Variants in EPHA2 observed in about 807,000 individuals in gnomAD.
EPHA2 encodes the protein ephrin type-A receptor 2.
In EPHA2, 54 loss-of-function variants were observed where a neutral mutation model predicts 104.9. The ratio of observed to expected loss-of-function variants is 0.51; its 90% CI spans 0.41 to 0.65. The LOEUF (loss-of-function observed/expected upper bound fraction) is 0.65, where lower values mean the gene tolerates loss of function less well. EPHA2 is among the 30% of genes least tolerant of loss of function. The probability of loss-of-function intolerance (pLI) is 0.00; values close to 1 mark genes in which losing one functional copy is unlikely to be tolerated. For synonymous variants in EPHA2, 560 were observed against 559.1 expected (o/e 1.00, Z -0.02); for missense variants, 1,117 against 1,369.5 (o/e 0.82, Z 2.91).
In EPHA2 at chr1:16,148,333, G is replaced by A; in HGVS notation, c.823+45C>T. ...ATTCCAAAGCTAAAGACCAGAACCT[G>A]GGAATGCAGAACCCCCTTCCCTGCA... is the stretch of plus-strand genomic sequence containing the variant. On this transcript the variant is annotated intron_variant, in intron 3 of 16. Coordinates refer to ENST00000358432, the MANE Select transcript of EPHA2 (RefSeq NM_004431.5). The surrounding 1 kb of genome is among the most constrained non-coding windows in gnomAD (Gnocchi z 4.9). 1 of 1,588,346 alleles carries A rather than the reference G, an allele frequency of 6.3e-7. No individual in the cohort carries two copies. The highest frequency in any genetic ancestry group is 8.5e-7 in the Non-Finnish European group (1 of 1,169,788).
chr1:16,128,368 G>A lies in EPHA2; in HGVS notation c.2825+1066C>T, dbSNP rs1171176230. Among the ~76,000 whole-genome samples the A allele has an allele frequency of 2.0e-5, 3 of 152,256 alleles. No homozygotes were observed. The highest frequency in any genetic ancestry group is 3.9e-4 in the East Asian group (2 of 5,178). ...CTGTTCCTGCCTGCTTCCCATCACC[G>A]ACTGTCCCCTGAGGGAGGCTATGGC... is the stretch of plus-strand genomic sequence containing the variant. On this transcript the variant is annotated intron_variant, in intron 16 of 16. Transcript: ENST00000358432. This position sits in a 1 kb window ranked among gnomAD's most constrained non-coding sequence, Gnocchi z 4.7.
chr1:16,131,629 T>A lies in EPHA2; in HGVS notation c.2475+92A>T. ...TGGAGCAAGCCTAAGAAGGTTCATC[T>A]AAACTGTCCTCTGCCCAGCCCCTGC... On this transcript the variant is annotated intron_variant, in intron 14 of 16. Transcript: ENST00000358432. The surrounding 1 kb of genome is among the most constrained non-coding windows in gnomAD (Gnocchi z 5.2). 1 of 1,561,040 alleles carries A rather than the reference T, an allele frequency of 6.4e-7. No homozygotes were observed. The highest frequency in any genetic ancestry group is 8.8e-7 in the Non-Finnish European group (1 of 1,139,024).
intron 3 of EPHA2, among the ~76,000 whole-genome samples, chr1:16,141,387 T>C (rs1016490966): frequency 6.6e-6 from 1 of 152,186 alleles, no homozygotes; most frequent in Non-Finnish European, 1.5e-5. Flanking sequence ...CCATAACATA[T>C]CTGCATGATA....
chr1:16,135,673 C>T lies in EPHA2; in HGVS notation c.1410G>A (p.Glu470=). The T allele has an allele frequency of 6.2e-7, 1 of 1,613,958 alleles. No individual in the cohort carries two copies. The highest frequency in any genetic ancestry group is 8.5e-7 in the Non-Finnish European group (1 of 1,179,998). ...GAGTTACCTTCTTGCGGTAAGTGACCTCGTACTTCCACACTCGGCTCTGCT... is the reference window on the plus strand; with the variant it reads ...GAGTTACCTTCTTGCGGTAAGTGACTTCGTACTTCCACACTCGGCTCTGCT... ...PPQQSRVWKY[E]VTYRKKGDSN... is the part of the protein sequence containing the mutation. The change falls in exon 6 of 17, where the codon GAG becomes GAA. Residue 470 remains glutamate (E), a synonymous_variant. Coordinates refer to ENST00000358432, the MANE Select transcript of EPHA2 (RefSeq NM_004431.5). The surrounding 1 kb of genome is among the most constrained non-coding windows in gnomAD (Gnocchi z 4.3).
In EPHA2 at chr1:16,132,383, G is replaced by A; in HGVS notation, c.2110C>T (p.Leu704Phe). ...YMENGALDKFLREKDGEFSVL... is the reference protein window; with the variant it reads ...YMENGALDKFFREKDGEFSVL... ...CCTACAACCCACATCCTTACCCGAAGGAACTTGTCCAGGGCCCCATTCTCC... is the reference window on the plus strand; with the variant it reads ...CCTACAACCCACATCCTTACCCGAAAGAACTTGTCCAGGGCCCCATTCTCC... Residue 704 changes from leucine to phenylalanine, a missense_variant, in exon 12 of 17, where the codon CTT (leucine) becomes TTT (phenylalanine). Physicochemically the swap from Leu to Phe is conservative, Grantham distance 22. This residue lies in a region of EPHA2 where 340 missense variants were observed against 480.5 expected (regional missense o/e 0.71). Transcript: ENST00000358432. 6.2e-7 allele frequency: 1 copy of A among 1,614,136 alleles called. No individual in the cohort carries two copies. Among genetic ancestry groups the A allele is most frequent in the Non-Finnish European group, 8.5e-7 (1 of 1,180,018 alleles).
At position 16,130,432 on chromosome 1, in the gene EPHA2, G is replaced by C. The variant is rs376510280; in HGVS notation, c.2476-13C>G. On this transcript the variant is annotated splice_polypyrimidine_tract_variant and intron_variant, in intron 14 of 16. Coordinates refer to ENST00000358432, the MANE Select transcript of EPHA2 (RefSeq NM_004431.5). The surrounding 1 kb of genome is among the most constrained non-coding windows in gnomAD (Gnocchi z 4.5). ...TGGCTTTCATCACCTGGCGGGGCAC[G>C]AAGGTCAGGGGCGCTGTTGCAGAAA... is the stretch of plus-strand genomic sequence containing the variant. The C allele has an allele frequency of 6.5e-7, 1 of 1,542,016 alleles. No homozygotes were observed. Among genetic ancestry groups the C allele is most frequent in the South Asian group, 1.3e-5 (1 of 79,118 alleles).
Position 16,134,628 on chromosome 1 carries a change from G to T in EPHA2, c.1583-61C>A. On this transcript the variant is annotated intron_variant, in intron 7 of 16. Coordinates refer to ENST00000358432, the MANE Select transcript of EPHA2 (RefSeq NM_004431.5). This position sits in a 1 kb window ranked among gnomAD's most constrained non-coding sequence, Gnocchi z 4.5. ...CCCCACAAATTACAGCAACACCCGC[G>T]CTGCACCCAAGACACCTGGGCCCCT... 1 of 1,551,422 alleles carries T rather than the reference G, an allele frequency of 6.4e-7. No homozygotes were observed. The highest frequency in any genetic ancestry group is 8.8e-7 in the Non-Finnish European group (1 of 1,134,436).
chr1:16,124,618 T>G lies in EPHA2; in HGVS notation c.*597A>C, dbSNP rs1316607552. On this transcript the variant is annotated 3_prime_UTR_variant, in exon 17 of 17. Coordinates refer to ENST00000358432, the MANE Select transcript of EPHA2 (RefSeq NM_004431.5). ...GGCCCCCTGCCACACACACACATTC[T>G]CTCCACAAAGTACAAAATATATATT... The G allele has an allele frequency of 6.5e-6, 1 of 153,494 alleles. No individual in the cohort carries two copies. Among genetic ancestry groups the G allele is most frequent in the Non-Finnish European group, 1.5e-5 (1 of 68,850 alleles). 9.5% of individuals were successfully genotyped at this position (153,494 alleles called of 1,614,324 possible).
rs762676954 is a variant in EPHA2, at chr1:16,135,597, C to G, written c.1428+58G>C. On this transcript the variant is annotated intron_variant, in intron 6 of 16. Coordinates refer to ENST00000358432, the MANE Select transcript of EPHA2 (RefSeq NM_004431.5). The surrounding 1 kb of genome is among the most constrained non-coding windows in gnomAD (Gnocchi z 4.3). Reference sequence around the variant, plus strand: ...GGTGGTTTGGTGATCATCTATGTGACCAGCCTGTCCCCTGCTGTCGGCCCA... The same window carrying G: ...GGTGGTTTGGTGATCATCTATGTGAGCAGCCTGTCCCCTGCTGTCGGCCCA... The G allele has an allele frequency of 1.1e-5, 16 of 1,510,496 alleles. No homozygotes were observed. The highest frequency in any genetic ancestry group is 1.5e-5 in the Non-Finnish European group (16 of 1,086,180). 93.6% of individuals were successfully genotyped at this position (1,510,496 alleles called of 1,614,324 possible). A position where few individuals can be genotyped will look rare whatever the true frequency, so the allele number is the denominator to read the frequency against.
intron 3 of EPHA2, among the ~76,000 whole-genome samples, chr1:16,142,200 C>T (rs1368808532): frequency 1.3e-5 from 2 of 152,226 alleles, no homozygotes; most frequent in Non-Finnish European, 2.9e-5. Context: ...GGCCCCCCGG[C>T]CCCCATTAGG....
chr1:16,138,509 A>G, intron 3 of EPHA2, 79 bp from the exon 4 acceptor site: 1 of 1,592,484 alleles, frequency 6.3e-7, no homozygotes, highest in Non-Finnish European at 8.6e-7. Flanking sequence ...TCATTCCCTC[A>G]CCAGGGACCC....
At chr1:16,133,110 G>A in intron 11 of EPHA2, 70 bp downstream of exon 11, 1 of 1,595,596 alleles carries the variant, frequency 6.3e-7, no homozygotes. Context: ...GGGGAGGTGG[G>A]CACAGTCACA....
chr1:16,125,271 C>T lies in EPHA2; in HGVS notation c.2875G>A (p.Ala959Thr), dbSNP rs139787163. The T allele has an allele frequency of 3.4e-4, 548 of 1,613,322 alleles. No individual in the cohort carries two copies. Among genetic ancestry groups the T allele is most frequent in the Middle Eastern group, 2.1e-3 (13 of 6,062 alleles). ...TCCTTGAGTCCCAGCAGGCTGTAGG[C>T]GATGCGCTTCTGGTGGCCGGGCAGC... ...VRLPGHQKRI[A>T]YSLLGLKDQV... Residue 959 changes from alanine to threonine, a missense_variant, in exon 17 of 17, where the codon GCC becomes ACC. Physicochemically the swap from Ala to Thr is moderately conservative, Grantham distance 58 (BLOSUM62 0). This residue lies in a region of EPHA2 where 340 missense variants were observed against 480.5 expected (regional missense o/e 0.71). Transcript: ENST00000358432. This position sits in a 1 kb window ranked among gnomAD's most constrained non-coding sequence, Gnocchi z 4.9.
In EPHA2 at chr1:16,125,071, T is replaced by A. The variant is rs1570389991; in HGVS notation, c.*144A>T. On this transcript the variant is annotated 3_prime_UTR_variant, in exon 17 of 17. Transcript: ENST00000358432. This position sits in a 1 kb window ranked among gnomAD's most constrained non-coding sequence, Gnocchi z 4.9. ...CTCCTCAGTTCAGGCCAGGGTGTCATCCGAGACCCCTCAGCGGAAGTTGCA... is the reference window on the plus strand; with the variant it reads ...CTCCTCAGTTCAGGCCAGGGTGTCAACCGAGACCCCTCAGCGGAAGTTGCA... 3.9e-6 allele frequency: 3 copies of A among 776,556 alleles called. No homozygotes were observed. Among genetic ancestry groups the A allele is most frequent in the South Asian group, 3.1e-5 (2 of 63,680 alleles). The allele number at this position is 776,556 out of a possible 1,614,324, so 48.1% of individuals were successfully genotyped here.
chr1:16,152,677 GCC>G (rs923333534), intron 1 of EPHA2, among the ~76,000 whole-genome samples: 6 of 152,168 alleles, frequency 3.9e-5, no homozygotes, highest in African/African-American at 1.4e-4. Context: ...CAGTCCTGCA[GCC>G]CCCCCTTAGA....
rs538382189 is a variant in EPHA2, at chr1:16,148,867, C to T, written c.334G>A (p.Ala112Thr). 122 of 1,614,050 alleles carry T rather than the reference C, an allele frequency of 7.6e-5. 1 individual carries two copies. The highest frequency in any genetic ancestry group is 1.6e-4 in the Middle Eastern group (1 of 6,084). ...VRDCNSFPGG[A>T]SSCKETFNLY... The stretch of plus-strand genomic sequence containing the variant: ...TTGAAAGTCTCCTTGCAGGAGCTGG[C>T]GCCACCAGGGAAGCTGTTGCAGTCA... Residue 112 changes from alanine (A) to threonine (T), a missense_variant, in exon 3 of 17, where the codon GCC (alanine) becomes ACC (threonine). Physicochemically the swap from Ala to Thr is moderately conservative, Grantham distance 58. Coordinates refer to ENST00000358432, the MANE Select transcript of EPHA2 (RefSeq NM_004431.5). The surrounding 1 kb of genome is among the most constrained non-coding windows in gnomAD (Gnocchi z 4.9).
In EPHA2 at chr1:16,135,016, C is replaced by A. The variant is rs749060647; in HGVS notation, c.1582+20G>T. On this transcript the variant is annotated intron_variant, in intron 7 of 16. Coordinates refer to ENST00000358432, the MANE Select transcript of EPHA2 (RefSeq NM_004431.5). The surrounding 1 kb of genome is among the most constrained non-coding windows in gnomAD (Gnocchi z 4.3). The stretch of plus-strand genomic sequence containing the variant: ...GTTCTGGGCCCTGGCCTGGTCCATG[C>A]CCAGGGTCCCCCAACTCACACAGCG... 6.2e-7 allele frequency: 1 copy of A among 1,610,406 alleles called. No individual in the cohort carries two copies. Among genetic ancestry groups the A allele is most frequent in the Admixed American group, 1.7e-5 (1 of 60,024 alleles).
rs565144336 is a variant in EPHA2, at chr1:16,135,375, A to G, written c.1429-186T>C. ...ACTCACTCAAGGTCAGAACCACTAAATGCATGAGCCAGGACTCAAACTGAG... is the reference window on the plus strand; with the variant it reads ...ACTCACTCAAGGTCAGAACCACTAAGTGCATGAGCCAGGACTCAAACTGAG... On this transcript the variant is annotated intron_variant, in intron 6 of 16. Coordinates refer to ENST00000358432, the MANE Select transcript of EPHA2 (RefSeq NM_004431.5). This position sits in a 1 kb window ranked among gnomAD's most constrained non-coding sequence, Gnocchi z 4.3. 1.4e-4 allele frequency among the ~76,000 whole-genome samples: 21 copies of G among 152,304 alleles called. No individual in the cohort carries two copies. Among genetic ancestry groups the G allele is most frequent in the South Asian group, 1.0e-3 (5 of 4,820 alleles).
chr1:16,130,553 T>C lies in EPHA2; in HGVS notation c.2476-134A>G. 1 of 872,528 alleles carries C rather than the reference T, an allele frequency of 1.1e-6. No individual in the cohort carries two copies. The highest frequency in any genetic ancestry group is 1.7e-6 in the Non-Finnish European group (1 of 602,256). The allele number at this position is 872,528 out of a possible 1,614,324, so 54.0% of individuals were successfully genotyped here. A position where few individuals can be genotyped will look rare whatever the true frequency, so the allele number is the denominator to read the frequency against. ...CAGAAACAGACAGGAAGGGCCTTTC[T>C]TGAGCTGCCACCCAACCTTCAGAGC... On this transcript the variant is annotated intron_variant, in intron 14 of 16. Transcript: ENST00000358432. This position sits in a 1 kb window ranked among gnomAD's most constrained non-coding sequence, Gnocchi z 4.5.
Sources: gnomAD v4.1 joint callset for allele counts (sites outside exome capture counted in the v4.1 genomes callset) on GRCh38, gnomAD v4.1.1 for gene constraint, gnomAD v4.1.1 regional missense constraint, Gnocchi (gnomAD v3.1) non-coding constraint, MANE v1.5 for transcripts, NCBI Gene and HGNC (gene_info 2026-07-23, HGNC 2026-07-21) for gene names.